Variants in MAPK8 observed in about 807,000 individuals in gnomAD.
MAPK8 encodes mitogen-activated protein kinase 8.
Under a neutral mutation model 52.9 loss-of-function variants are expected in MAPK8, and 13 were observed. That is an observed-to-expected ratio of 0.25 (90% CI 0.16 to 0.39). The LOEUF (loss-of-function observed/expected upper bound fraction) is 0.39, where lower values mean the gene tolerates loss of function less well. Ranked by LOEUF, MAPK8 falls within the 10% of genes least tolerant of loss-of-function variation. The pLI, the probability that MAPK8 is intolerant of heterozygous loss-of-function variation, is 1.00. For missense variants in MAPK8, 300 were observed against 519.2 expected, an observed-to-expected ratio of 0.58 and a Z score of 4.10; for synonymous variants, 191 against 169.8, an observed-to-expected ratio of 1.12 and a Z score of -0.97.
intron 1 of MAPK8, among the ~76,000 whole-genome samples, chr10:48,394,454 G>C (rs999070976): frequency 6.6e-6 from 1 of 151,822 alleles, no homozygotes. Flanking sequence ...AAATCAATCA[G>C]TGTAATTAGC....
In MAPK8 at chr10:48,426,619, T is replaced by A. The variant is rs2043700099; in HGVS notation, c.996+115T>A. ...TAAAAATGTAGATACATGATGATGA[T>A]GTTTTTCTGTTTCTTCATGAAGACT... is the stretch of plus-strand genomic sequence containing the variant. On this transcript the variant is annotated intron_variant, in intron 9 of 11. Transcript: ENST00000374189. The A allele has an allele frequency of 1.5e-5, 14 of 936,986 alleles. 1 individual carries two copies. The South Asian group carries it at 2.3e-4, about 15-fold the overall frequency. 58.0% of individuals were successfully genotyped at this position (936,986 alleles called of 1,614,324 possible).
intron 1 of MAPK8, among the ~76,000 whole-genome samples, chr10:48,349,447 G>C (rs1208874202): frequency 6.6e-6 from 1 of 152,114 alleles, no homozygotes; most frequent in Non-Finnish European, 1.5e-5. Context: ...AAACAAATTA[G>C]AACTCAGGAT....
intron 1 of MAPK8, among the ~76,000 whole-genome samples, chr10:48,318,018 A>G (rs1196923448): frequency 7.5e-6 from 1 of 133,992 alleles, no homozygotes; most frequent in Non-Finnish European, 1.6e-5. Context: ...ACCCAGGGTG[A>G]GATTTTGCCA....
chr10:48,398,769 T>C (rs889222372), intron 1 of MAPK8, among the ~76,000 whole-genome samples: 1 of 152,174 alleles, frequency 6.6e-6, no homozygotes, highest in African/African-American at 2.4e-5. Context: ...AAACAAAAAT[T>C]ACATGCTGTG....
intron 5 of MAPK8, 45 bp downstream of exon 5, chr10:48,410,213 G>A: frequency 7.0e-7 from 1 of 1,433,696 alleles, no homozygotes; most frequent in African/African-American, 1.4e-5. Flanking sequence ...TTCTCATTGA[G>A]GTGAAATTCA....
At chr10:48,359,873 C>G (rs1190073829) in intron 1 of MAPK8, among the ~76,000 whole-genome samples, 1 of 152,172 alleles carries the variant, frequency 6.6e-6, no homozygotes, top group Non-Finnish European at 1.5e-5. Flanking sequence ...AATCAAGACA[C>G]AGAAAGCATG....
In MAPK8 at chr10:48,410,288, C is replaced by T. The variant is rs560578661; in HGVS notation, c.450+120C>T. ...CATTCACAGTGCTGTACAACTACCA[C>T]CCATATTAAATTCTAAAATATTTTC... On this transcript the variant is annotated intron_variant, in intron 5 of 11. Transcript: ENST00000374189. 9 of 725,292 alleles carry T rather than the reference C, an allele frequency of 1.2e-5. No homozygotes were observed. The South Asian group carries it at 4.2e-4, about 34-fold the overall frequency. 44.9% of individuals were successfully genotyped at this position (725,292 alleles called of 1,614,324 possible). A position where few individuals can be genotyped will look rare whatever the true frequency, so the allele number is the denominator to read the frequency against.
intron 8 of MAPK8, 121 bp from the exon 9 acceptor site, chr10:48,426,254 TATAAG>T (rs1193077481): frequency 2.5e-5 from 22 of 886,258 alleles, no homozygotes; most frequent in Non-Finnish European, 1.1e-5. Context: ...TAATCATATG[TATAAG>T]ATAATTTTAC....
chr10:48,330,239 C>T (rs1352716381), intron 1 of MAPK8, among the ~76,000 whole-genome samples: 2 of 152,154 alleles, frequency 1.3e-5, no homozygotes, highest in Non-Finnish European at 2.9e-5. Flanking sequence ...AAGAGATTTG[C>T]AGCATTGCTT....
chr10:48,340,947 G>C (rs928850173), intron 1 of MAPK8, among the ~76,000 whole-genome samples: 1 of 152,152 alleles, frequency 6.6e-6, no homozygotes, highest in Non-Finnish European at 1.5e-5. Context: ...TCTGGAAAGA[G>C]CCTCCTGCCA....
intron 1 of MAPK8, among the ~76,000 whole-genome samples, chr10:48,344,142 A>G (rs1306842165): frequency 6.6e-5 from 10 of 152,252 alleles, no homozygotes; most frequent in Admixed American, 6.5e-4. Context: ...CAAAGATCAC[A>G]TATTTTCACT....
At chr10:48,372,044 G>A (rs1848578450) in intron 1 of MAPK8, among the ~76,000 whole-genome samples, 1 of 152,020 alleles carries the variant, frequency 6.6e-6, no homozygotes, top group African/African-American at 2.4e-5. Context: ...TTATCCAGAA[G>A]CCCACAAAAC....
chr10:48,332,687 T>G (rs1037912345), intron 1 of MAPK8, among the ~76,000 whole-genome samples: 1 of 152,230 alleles, frequency 6.6e-6, no homozygotes, highest in African/African-American at 2.4e-5. Context: ...GGTGTTCCCT[T>G]TCTGAAAACC....
intron 5 of MAPK8, among the ~76,000 whole-genome samples, chr10:48,417,075 G>A (rs2043106729): frequency 6.6e-6 from 1 of 152,124 alleles, no homozygotes; most frequent in South Asian, 2.1e-4. Flanking sequence ...CCCACTAGAT[G>A]CCAGTAGCAC....
rs527692102 is a variant in MAPK8, at chr10:48,336,409, A to G, written c.-50+29588A>G. Among the ~76,000 whole-genome samples, 273 of 152,260 alleles carry G rather than the reference A, an allele frequency of 1.8e-3. 1 individual carries two copies. Among genetic ancestry groups the G allele is most frequent in the Non-Finnish European group, 3.0e-3 (204 of 68,022 alleles). On this transcript the variant is annotated intron_variant, in intron 1 of 11. Coordinates refer to ENST00000374189, the MANE Select transcript of MAPK8 (RefSeq NM_001323329.2). ...AGTTCCTCACAGGCCCTGTGATATCATGAGGGAATAATTTGATGTGGCTCC... is the reference window on the plus strand; with the variant it reads ...AGTTCCTCACAGGCCCTGTGATATCGTGAGGGAATAATTTGATGTGGCTCC...
intron 1 of MAPK8, among the ~76,000 whole-genome samples, chr10:48,322,315 T>TA (rs10666309): frequency 0.32 from 48,646 of 150,526 alleles, 9,845 homozygotes; most frequent in African/African-American, 0.57. Context: ...TTTCATGATT[T>TA]AAAAAAAAAA....
At chr10:48,350,860 A>G (rs1466957992) in intron 1 of MAPK8, among the ~76,000 whole-genome samples, 1 of 152,250 alleles carries the variant, frequency 6.6e-6, no homozygotes, top group Non-Finnish European at 1.5e-5. Context: ...TTGTATATTT[A>G]GAAAACCCCA....
chr10:48,383,075 C>G (rs186778881), intron 1 of MAPK8, among the ~76,000 whole-genome samples: 71 of 151,672 alleles, frequency 4.7e-4, no homozygotes, highest in African/African-American at 1.6e-3. Context: ...AATAAACAGC[C>G]AATATTCCTG....
intron 6 of MAPK8, 66 bp downstream of exon 6, chr10:48,420,386 T>C: frequency 7.2e-7 from 1 of 1,384,768 alleles, no homozygotes; most frequent in East Asian, 2.3e-5. Context: ...AGTAGATTTT[T>C]AATGTAAATA....
Sources: gnomAD v4.1 joint callset for allele counts (sites outside exome capture counted in the v4.1 genomes callset) on GRCh38, gnomAD v4.1.1 for gene constraint, MANE v1.5 for transcripts, NCBI Gene and HGNC (gene_info 2026-07-23, HGNC 2026-07-21) for gene names.